HTR1F: variants seen among roughly 807,000 people sequenced by gnomAD.
HTR1F encodes 5-hydroxytryptamine receptor 1F.
A neutral mutation model predicts 24.0 loss-of-function variants in HTR1F; 17 were observed. The observed-to-expected ratio is 0.71, with a 90% CI of 0.48 to 1.06. The LOEUF is 1.06. Ranked by LOEUF, HTR1F falls within the 50% of genes least tolerant of loss-of-function variation. The pLI is 0.00. For missense variants in HTR1F, 391 were observed against 427.8 expected, an observed-to-expected ratio of 0.91 and a Z score of 0.76; for synonymous variants, 186 against 156.8, an observed-to-expected ratio of 1.19 and a Z score of -1.39.
At chr3:87,885,559 T>G (rs1017804545) in intron 2 of HTR1F, among the ~76,000 whole-genome samples, 5 of 152,028 alleles carry the variant, frequency 3.3e-5, no homozygotes, top group African/African-American at 1.2e-4. Context: ...CAGGAGCTGT[T>G]TTTTTGAAAC....
chr3:87,908,980 T>C (rs1306889788), intron 2 of HTR1F, among the ~76,000 whole-genome samples: 1 of 152,074 alleles, frequency 6.6e-6, no homozygotes, highest in African/African-American at 2.4e-5. Context: ...TATGTTTTAG[T>C]AGAGTAGTAG....
chr3:87,927,354 GTT>G (rs1704150588), intron 2 of HTR1F, among the ~76,000 whole-genome samples: 2 of 145,618 alleles, frequency 1.4e-5, no homozygotes, highest in African/African-American at 5.3e-5. Context: ...ATTCGTCTTA[GTT>G]TTAAATGTAA....
rs77592552 is a variant in HTR1F, at chr3:87,876,073, C to T, written c.-43+53949C>T. Reference sequence around the variant, plus strand: ...AGTGAAATATTGCTTCACATTTATACGTCCACTACTTAAAAAAACACATAA... The same window carrying T: ...AGTGAAATATTGCTTCACATTTATATGTCCACTACTTAAAAAAACACATAA... On this transcript the variant is annotated intron_variant, in intron 2 of 2. Transcript: ENST00000319595. Among the ~76,000 whole-genome samples, 608 of 152,140 alleles carry T rather than the reference C, an allele frequency of 4.0e-3. 6 individuals carry two copies. The highest frequency in any genetic ancestry group is 6.7e-3 in the Non-Finnish European group (457 of 67,994).
chr3:87,929,297 C>G (rs1181392104), intron 2 of HTR1F, among the ~76,000 whole-genome samples: 1 of 152,136 alleles, frequency 6.6e-6, no homozygotes, highest in Non-Finnish European at 1.5e-5. Context: ...TTCATCAGGG[C>G]AGAGCCTCTT....
At position 87,862,807 on chromosome 3, in the gene HTR1F, C is replaced by CT. The variant is rs200780343; in HGVS notation, c.-43+40692dup. 8.3e-4 allele frequency among the ~76,000 whole-genome samples: 126 copies of CT among 151,316 alleles called. 1 individual carries two copies. The East Asian group carries it at 0.021, about 25-fold the overall frequency. On this transcript the variant is annotated intron_variant, in intron 2 of 2. Coordinates refer to ENST00000319595, the MANE Select transcript of HTR1F (RefSeq NM_001322209.2). Reference sequence around the variant, plus strand: ...GGCTAATCTGACTCATGTACTTACTCTTTTTTTTTCTTTTCTTTTCTTTTT... The same window carrying CT: ...GGCTAATCTGACTCATGTACTTACTCTTTTTTTTTTCTTTTCTTTTCTTTTT...
intron 2 of HTR1F, among the ~76,000 whole-genome samples, chr3:87,829,155 G>C (rs1704523280): frequency 6.6e-6 from 1 of 151,970 alleles, no homozygotes; most frequent in South Asian, 2.1e-4. Context: ...TTTACCTCCT[G>C]GTTGAGTGAT....
chr3:87,812,234 G>A (rs1704172423), intron 1 of HTR1F, among the ~76,000 whole-genome samples: 1 of 152,172 alleles, frequency 6.6e-6, no homozygotes, highest in Non-Finnish European at 1.5e-5. Flanking sequence ...AGTTTGGAGG[G>A]CTCAGAAGAC....
chr3:87,894,809 T>A (rs1283988635), intron 2 of HTR1F, among the ~76,000 whole-genome samples: 2 of 151,906 alleles, frequency 1.3e-5, no homozygotes, highest in East Asian at 3.9e-4. Context: ...ATTAAGAGAG[T>A]TAATATGCTG....
chr3:87,865,509 TGAC>T, intron 2 of HTR1F, among the ~76,000 whole-genome samples: 1 of 91,054 alleles, frequency 1.1e-5, no homozygotes, highest in African/African-American at 1.3e-4. Context: ...TTATCTTGAC[TGAC>T]TGTTACCATC....
At chr3:87,928,031 T>C (rs1015439950) in intron 2 of HTR1F, among the ~76,000 whole-genome samples, 4 of 149,846 alleles carry the variant, frequency 2.7e-5, no homozygotes, top group Non-Finnish European at 4.4e-5. Flanking sequence ...CTAATATCAA[T>C]AGTTCAATAT....
Position 87,843,989 on chromosome 3 carries a change from C to T in HTR1F, c.-43+21865C>T, listed in dbSNP as rs1177863447. On this transcript the variant is annotated intron_variant, in intron 2 of 2. Transcript: ENST00000319595. ...TGTGAATAATGCTGCAATAAACATA[C>T]GTGTGCATGTGTCTTTATAGCAGCA... Among the ~76,000 whole-genome samples the T allele has an allele frequency of 1.1e-4, 16 of 150,800 alleles. No individual in the cohort carries two copies. In the East Asian group the frequency reaches 1.6e-3, roughly 15 times the overall value.
intron 2 of HTR1F, among the ~76,000 whole-genome samples, chr3:87,884,186 TAC>T (rs1469703954): frequency 6.6e-6 from 1 of 152,148 alleles, no homozygotes; most frequent in African/African-American, 2.4e-5. Flanking sequence ...TGGGGGCCAA[TAC>T]TCAACATTCT....
intron 2 of HTR1F, among the ~76,000 whole-genome samples, chr3:87,859,366 G>A (rs1705269168): frequency 6.6e-6 from 1 of 152,166 alleles, no homozygotes; most frequent in Non-Finnish European, 1.5e-5. Context: ...AGGACAAGAA[G>A]ACCAGCTGGT....
rs534765920 is a variant in HTR1F at position 87,877,459 on chromosome 3, T to A, written c.-43+55335T>A. Among the ~76,000 whole-genome samples the A allele has an allele frequency of 3.3e-5, 5 of 152,238 alleles. No homozygotes were observed. In the South Asian group the frequency reaches 1.0e-3, roughly 32 times the overall value. ...AAAACTATAAATGGGGGATTACTAG[T>A]TACATGAGAAATTACTTAAGAAATT... is the stretch of plus-strand genomic sequence containing the variant. On this transcript the variant is annotated intron_variant, in intron 2 of 2. Coordinates refer to ENST00000319595, the MANE Select transcript of HTR1F (RefSeq NM_001322209.2).
At chr3:87,981,149 C>T (rs999645514) in intron 2 of HTR1F, among the ~76,000 whole-genome samples, 1 of 152,224 alleles carries the variant, frequency 6.6e-6, no homozygotes, top group Non-Finnish European at 1.5e-5. Flanking sequence ...TGGGCCACCA[C>T]TACCATCACT....
chr3:87,904,412 A>G (rs900042479), intron 2 of HTR1F, among the ~76,000 whole-genome samples: 5 of 152,162 alleles, frequency 3.3e-5, no homozygotes, highest in East Asian at 1.9e-4. Context: ...ATTCTCCAAA[A>G]GAAAAATAGA....
At chr3:87,837,306 T>C (rs1704702570) in intron 2 of HTR1F, among the ~76,000 whole-genome samples, 1 of 152,188 alleles carries the variant, frequency 6.6e-6, no homozygotes. Context: ...GTGTTCACTT[T>C]ATTATGAATT....
intron 2 of HTR1F, among the ~76,000 whole-genome samples, chr3:87,947,815 T>C (rs1704744805): frequency 6.6e-6 from 1 of 152,196 alleles, no homozygotes; most frequent in Non-Finnish European, 1.5e-5. Context: ...ATTATGTTTA[T>C]TGATAAGCAG....
At chr3:87,899,248 A>C (rs1706269421) in intron 2 of HTR1F, among the ~76,000 whole-genome samples, 1 of 152,200 alleles carries the variant, frequency 6.6e-6, no homozygotes, top group Non-Finnish European at 1.5e-5. Flanking sequence ...GACAATCCTC[A>C]GTATTTTTAT....
Sources: gnomAD v4.1 joint callset for allele counts (sites outside exome capture counted in the v4.1 genomes callset) on GRCh38, gnomAD v4.1.1 for gene constraint, MANE v1.5 for transcripts, NCBI Gene and HGNC (gene_info 2026-07-23, HGNC 2026-07-21) for gene names.